The following EEPD1 variants were observed in gnomAD, a reference collection of about 807,000 sequenced individuals.
EEPD1 encodes endonuclease/exonuclease/phosphatase family domain-containing protein 1.
In EEPD1, 17 loss-of-function variants were observed where a neutral mutation model predicts 46.3. That is an observed-to-expected ratio of 0.37 (90% CI 0.25 to 0.55). EEPD1 has a LOEUF of 0.55. EEPD1 is among the 20% of genes least tolerant of loss of function. The probability of loss-of-function intolerance (pLI) is 0.83; values close to 1 mark genes in which losing one functional copy is unlikely to be tolerated. For missense variants in EEPD1, 673 were observed against 745.6 expected (o/e 0.90, Z 1.13); for synonymous variants, 313 against 315.6 (o/e 0.99, Z 0.09).
At chr7:36,257,700 G>A (rs1337884817) in intron 3 of EEPD1, among the ~76,000 whole-genome samples, 1 of 152,046 alleles carries the variant, frequency 6.6e-6, no homozygotes, top group Non-Finnish European at 1.5e-5. Flanking sequence ...TCTTTAAACT[G>A]GTTATTCTAC....
At chr7:36,206,514 T>C (rs1049992507) in intron 2 of EEPD1, among the ~76,000 whole-genome samples, 1 of 152,148 alleles carries the variant, frequency 6.6e-6, no homozygotes, top group Non-Finnish European at 1.5e-5. Context: ...GGCTGCCATA[T>C]TGGACACCAG....
chr7:36,284,837 G>A lies in EEPD1; in HGVS notation c.1176+17G>A, dbSNP rs373413738. The A allele has an allele frequency of 1.4e-4, 202 of 1,451,310 alleles. No homozygotes were observed. Among genetic ancestry groups the A allele is most frequent in the Middle Eastern group, 1.9e-4 (1 of 5,370 alleles). The allele number at this position is 1,451,310 out of a possible 1,614,324, so 89.9% of individuals were successfully genotyped here. A position where few individuals can be genotyped will look rare whatever the true frequency, so the allele number is the denominator to read the frequency against. On this transcript the variant is annotated intron_variant, in intron 5 of 7. Transcript: ENST00000242108. ...AGGTTCAAGGTACCCGCTCCACGCC[G>A]TCTGTGACGTGGAATCTGCTTCTTT... is the stretch of plus-strand genomic sequence containing the variant.
intron 2 of EEPD1, among the ~76,000 whole-genome samples, chr7:36,190,774 G>A (rs1330763257): frequency 2.0e-5 from 3 of 152,222 alleles, no homozygotes; most frequent in Non-Finnish European, 2.9e-5. Context: ...AAGTGGGGGA[G>A]GTTGGGGATA....
At chr7:36,163,472 G>A (rs1784931924) in intron 2 of EEPD1, among the ~76,000 whole-genome samples, 1 of 152,170 alleles carries the variant, frequency 6.6e-6, no homozygotes, top group Non-Finnish European at 1.5e-5. Flanking sequence ...CTAAGTTACA[G>A]ATACAGAAGA....
intron 6 of EEPD1, among the ~76,000 whole-genome samples, chr7:36,288,119 T>G (rs1562713675): frequency 6.6e-6 from 1 of 152,188 alleles, no homozygotes; most frequent in Non-Finnish European, 1.5e-5. Flanking sequence ...ACTCCGGTGG[T>G]GCCGCCTGCA....
intron 2 of EEPD1, among the ~76,000 whole-genome samples, chr7:36,157,550 G>C (rs1355088621): frequency 6.6e-6 from 1 of 152,200 alleles, no homozygotes; most frequent in East Asian, 1.9e-4. Context: ...AAGAGTACAG[G>C]AAAAGTTTAC....
At chr7:36,196,138 T>A (rs917988100) in intron 2 of EEPD1, among the ~76,000 whole-genome samples, 2 of 152,164 alleles carry the variant, frequency 1.3e-5, no homozygotes, top group Non-Finnish European at 2.9e-5. Context: ...GTATAAAAGA[T>A]AAAAATGGTA....
chr7:36,232,649 T>C (rs1221624006), intron 2 of EEPD1, among the ~76,000 whole-genome samples: 2 of 149,726 alleles, frequency 1.3e-5, no homozygotes, highest in East Asian at 1.9e-4. Flanking sequence ...GTAGATTGGT[T>C]GTGGCTCACT....
intron 6 of EEPD1, among the ~76,000 whole-genome samples, chr7:36,289,305 T>C (rs568880269): frequency 3.0e-4 from 45 of 152,296 alleles, no homozygotes; most frequent in Non-Finnish European, 7.3e-5. Context: ...AAACTGAAGC[T>C]CGGTACCCAT....
intron 3 of EEPD1, among the ~76,000 whole-genome samples, chr7:36,268,179 C>T (rs200774259): frequency 6.6e-6 from 1 of 152,132 alleles, no homozygotes; most frequent in Admixed American, 6.5e-5. Context: ...TGAGACGGAG[C>T]CTTGCTCTGT....
At chr7:36,204,627 G>A (rs1178778547) in intron 2 of EEPD1, among the ~76,000 whole-genome samples, 3 of 152,138 alleles carry the variant, frequency 2.0e-5, no homozygotes, top group Admixed American at 6.5e-5. Context: ...GGACAGATGA[G>A]GAGGATCCCA....
chr7:36,293,080 G>GT (rs1445855364), intron 6 of EEPD1, among the ~76,000 whole-genome samples: 1 of 151,954 alleles, frequency 6.6e-6, no homozygotes, highest in African/African-American at 2.4e-5. Flanking sequence ...TATATCATTA[G>GT]TAACCTGTGG....
At chr7:36,233,194 T>C (rs1057161360) in intron 2 of EEPD1, among the ~76,000 whole-genome samples, 8 of 152,250 alleles carry the variant, frequency 5.3e-5, no homozygotes, top group Non-Finnish European at 1.0e-4. Context: ...ACCTGGAATC[T>C]AGATTTGCAC....
intron 2 of EEPD1, among the ~76,000 whole-genome samples, chr7:36,197,448 G>A (rs1316962374): frequency 2.6e-5 from 4 of 152,206 alleles, no homozygotes; most frequent in African/African-American, 4.8e-5. Context: ...CCATGATGAC[G>A]ATAGCAGTTT....
chr7:36,243,158 G>A (rs196538), intron 3 of EEPD1, among the ~76,000 whole-genome samples: 2,763 of 152,332 alleles, frequency 0.018, 33 homozygotes, highest in Non-Finnish European at 0.026. Context: ...CTGAATCAGA[G>A]CTACATTCTA....
intron 2 of EEPD1, among the ~76,000 whole-genome samples, chr7:36,207,260 T>C (rs1036459547): frequency 2.0e-5 from 3 of 152,142 alleles, no homozygotes; most frequent in Non-Finnish European, 4.4e-5. Context: ...TGAGTGCAGC[T>C]CGGCAACACA....
At chr7:36,232,179 T>G (rs1562695394) in intron 2 of EEPD1, among the ~76,000 whole-genome samples, 2 of 152,020 alleles carry the variant, frequency 1.3e-5, no homozygotes, top group East Asian at 3.9e-4. Flanking sequence ...TGCTGGTTTT[T>G]TTTTTTTTTT....
intron 3 of EEPD1, among the ~76,000 whole-genome samples, chr7:36,239,436 A>G (rs898891115): frequency 1.3e-5 from 2 of 152,168 alleles, no homozygotes; most frequent in Non-Finnish European, 2.9e-5. Context: ...GGATGATGGA[A>G]TTGAGACCCA....
At chr7:36,198,372 C>T (rs1441588784) in intron 2 of EEPD1, among the ~76,000 whole-genome samples, 2 of 87,906 alleles carry the variant, frequency 2.3e-5, no homozygotes, top group African/African-American at 7.3e-5. Context: ...AGATATTTTC[C>T]TGAAAAACTA....
Sources: allele counts gnomAD v4.1 joint callset (sites outside exome capture counted in the v4.1 genomes callset), GRCh38; gene constraint gnomAD v4.1.1; transcripts MANE v1.5; gene names NCBI Gene and HGNC (gene_info 2026-07-23, HGNC 2026-07-21).